The following DLG5 variants were observed in gnomAD, a reference collection of about 807,000 sequenced individuals.
The protein encoded by DLG5 is disks large homolog 5.
DLG5 carries 48 observed loss-of-function variants against 189.8 expected under a neutral mutation model. That is an observed-to-expected ratio of 0.25 (90% confidence interval 0.20 to 0.32). DLG5 has a LOEUF of 0.32. DLG5 is among the 10% of genes least tolerant of loss of function. The pLI, the probability that DLG5 is intolerant of heterozygous loss-of-function variation, is 1.00. For synonymous variants in DLG5, 1,016 were observed against 1,054.1 expected, an observed-to-expected ratio of 0.96 and a Z score of 0.70; for missense variants, 2,160 against 2,544.7, an observed-to-expected ratio of 0.85 and a Z score of 3.25.
chr10:77,847,544 G>A (rs1264964722), intron 5 of DLG5, among the ~76,000 whole-genome samples: 1 of 152,168 alleles, frequency 6.6e-6, no homozygotes, highest in Non-Finnish European at 1.5e-5. Context: ...TGGGGAACCA[G>A]GTCATGGTTA....
intron 1 of DLG5, among the ~76,000 whole-genome samples, chr10:77,912,975 A>T (rs1846266277): frequency 6.6e-6 from 1 of 152,220 alleles, no homozygotes; most frequent in Non-Finnish European, 1.5e-5. Context: ...CACAAGCTCA[A>T]GGGACAAGCT....
At chr10:77,837,924 C>G (rs1032227994) in intron 7 of DLG5, among the ~76,000 whole-genome samples, 3 of 152,230 alleles carry the variant, frequency 2.0e-5, no homozygotes, top group African/African-American at 7.2e-5. Flanking sequence ...TGGGCTGCAA[C>G]CCAGCCCCAG....
chr10:77,829,317 C>A, intron 12 of DLG5, 38 bp downstream of exon 12: 2 of 1,612,036 alleles, frequency 1.2e-6, no homozygotes, highest in Non-Finnish European at 1.7e-6. Context: ...AGGGCCCCAG[C>A]CACCTGAGGC....
intron 2 of DLG5, chr10:77,868,239 TC>T: frequency 2.5e-6 from 1 of 400,520 alleles, no homozygotes; most frequent in Non-Finnish European, 5.0e-6. Context: ...CTGTCTTCCC[TC>T]TTATCACACT....
In DLG5 at chr10:77,853,535, G is replaced by A. The variant is rs1157671197; in HGVS notation, c.683C>T (p.Thr228Ile). The change falls in exon 5 of 32, where the codon ACA becomes ATA. Residue 228 changes from threonine to isoleucine, a missense_variant and splice_region_variant. Thr to Ile is a moderately conservative substitution (Grantham distance 89, BLOSUM62 -1). Transcript: ENST00000372391. ...EVAKETDFYHTLHSRLLSDQT... is the reference protein window; with the variant it reads ...EVAKETDFYHILHSRLLSDQT... ...GTCACTCAGGAGCCGGCTGTGGAGT[G>A]TGCTGAAACACCCGGTACATGCTCA... 1 of 1,594,660 alleles carries A rather than the reference G, an allele frequency of 6.3e-7. No homozygotes were observed. The highest frequency in any genetic ancestry group is 8.6e-7 in the Non-Finnish European group (1 of 1,169,490).
chr10:77,909,093 G>A (rs1846144989), intron 1 of DLG5, among the ~76,000 whole-genome samples: 1 of 152,198 alleles, frequency 6.6e-6, no homozygotes, highest in Non-Finnish European at 1.5e-5. Flanking sequence ...ACTTAGCCGA[G>A]CCTGGTAAAG....
At position 77,843,600 on chromosome 10, in the gene DLG5, T is replaced by C. The variant is rs760523140; in HGVS notation, c.971A>G (p.Tyr324Cys). The C allele has an allele frequency of 1.2e-6, 2 of 1,614,130 alleles. No individual in the cohort carries two copies. Among genetic ancestry groups the C allele is most frequent in the Non-Finnish European group, 8.5e-7 (1 of 1,180,018 alleles). ...KKDYDALRKR[Y>C]SEKVAIHNAD... The stretch of plus-strand genomic sequence containing the variant: ...ATTGTGGATGGCGACTTTCTCACTG[T>C]ACCTCTTCCGAAGGGCGTCATAGTC... Residue 324 changes from tyrosine (Y) to cysteine (C), a missense_variant, in exon 6 of 32, where the codon TAC becomes TGC. Tyr to Cys is a radical substitution (Grantham distance 194, BLOSUM62 -2). Around this residue, in one of 5 missense-constraint regions of DLG5, gnomAD observed 664 missense variants for 838.5 expected, o/e 0.79. Coordinates refer to ENST00000372391, the MANE Select transcript of DLG5 (RefSeq NM_004747.4).
At chr10:77,792,653 T>C (rs1840696423) in intron 31 of DLG5, 110 bp from the exon 32 acceptor site, 1 of 949,204 alleles carries the variant, frequency 1.1e-6, no homozygotes, top group Non-Finnish European at 1.7e-6. Flanking sequence ...TGCTTTGTGC[T>C]CCTTGGCACT....
At chr10:77,864,452 C>A (rs552344432) in intron 2 of DLG5, among the ~76,000 whole-genome samples, 99 of 152,234 alleles carry the variant, frequency 6.5e-4, no homozygotes, top group Non-Finnish European at 8.8e-5. Context: ...CCACGTCATC[C>A]TCACCTACAA....
chr10:77,934,868 T>G, the DLG5 span, among the ~76,000 whole-genome samples: 1,111 of 150,446 alleles, frequency 7.4e-3, 23 homozygotes, highest in African/African-American at 0.024. Context: ...TTGTTTTTTT[T>G]TTTTTTTGAG....
At chr10:77,872,800 C>T (rs1256883938) in intron 1 of DLG5, among the ~76,000 whole-genome samples, 1 of 152,006 alleles carries the variant, frequency 6.6e-6, no homozygotes, top group Admixed American at 6.5e-5. Flanking sequence ...TGGGGTTTCG[C>T]CATCAAATTT....
chr10:77,867,998 C>A, intron 2 of DLG5: 1 of 456,712 alleles, frequency 2.2e-6, no homozygotes, highest in Non-Finnish European at 4.4e-6. Context: ...GTGATGTCGG[C>A]AAACCAAGGA....
chr10:77,838,648 C>T (rs140050107), intron 7 of DLG5, among the ~76,000 whole-genome samples: 98 of 152,312 alleles, frequency 6.4e-4, no homozygotes, highest in African/African-American at 2.2e-3. Context: ...AAGACAGAAG[C>T]GTGCAAGCAC....
At chr10:77,857,443 G>A (rs777268348) in intron 2 of DLG5, among the ~76,000 whole-genome samples, 8 of 152,192 alleles carry the variant, frequency 5.3e-5, no homozygotes, top group East Asian at 3.9e-4. Flanking sequence ...TTTGCAAGCC[G>A]TCCACCCGCC....
chr10:77,806,718 A>ACCGCC, intron 26 of DLG5, 40 bp downstream of exon 26: 1 of 1,333,654 alleles, frequency 7.5e-7, no homozygotes, highest in Non-Finnish European at 1.1e-6. Flanking sequence ...GCCCTCGGCG[A>ACCGCC]CCCCTGCCCC....
rs756266215 is a variant in DLG5 at position 77,856,848 on chromosome 10, G to T, written c.418C>A (p.Gln140Lys). ...APSPPPLLTD[Q>K]QVNEKVENLS... Reference sequence around the variant, plus strand: ...TTCTCCACCTTCTCATTCACTTGCTGGTCAGTGAGGAGGGGTGGTGGGGAC... The same window carrying T: ...TTCTCCACCTTCTCATTCACTTGCTTGTCAGTGAGGAGGGGTGGTGGGGAC... Residue 140 changes from glutamine (Q) to lysine (K), a missense_variant, in exon 3 of 32, where the codon CAG becomes AAG. Gln to Lys is a moderately conservative substitution (Grantham distance 53). Around this residue, in one of 5 missense-constraint regions of DLG5, gnomAD observed 664 missense variants for 838.5 expected, o/e 0.79. Transcript: ENST00000372391. 95 of 1,612,386 alleles carry T rather than the reference G, an allele frequency of 5.9e-5. No individual in the cohort carries two copies. The highest frequency in any genetic ancestry group is 7.3e-5 in the Non-Finnish European group (86 of 1,179,934).
intron 1 of DLG5, among the ~76,000 whole-genome samples, chr10:77,898,684 C>T (rs1487292758): frequency 6.6e-6 from 1 of 152,242 alleles, no homozygotes; most frequent in African/African-American, 2.4e-5. Context: ...CAGGTCAGGG[C>T]TTGCCCTGAG....
intron 1 of DLG5, among the ~76,000 whole-genome samples, chr10:77,921,671 C>T (rs1029618101): frequency 3.9e-5 from 6 of 152,204 alleles, no homozygotes; most frequent in Non-Finnish European, 8.8e-5. Flanking sequence ...CGTCCTCCCT[C>T]CATGGCTCCA....
intron 13 of DLG5, 78 bp from the exon 14 acceptor site, chr10:77,824,554 A>C (rs1200559085): frequency 8.7e-7 from 1 of 1,148,620 alleles, no homozygotes; most frequent in East Asian, 2.4e-5. Flanking sequence ...TGCCTACCTA[A>C]CCTCCTGTGC....
Sources: gnomAD v4.1 joint callset for allele counts (sites outside exome capture counted in the v4.1 genomes callset) on GRCh38, gnomAD v4.1.1 for gene constraint, gnomAD v4.1.1 regional missense constraint, MANE v1.5 for transcripts, NCBI Gene and HGNC (gene_info 2026-07-23, HGNC 2026-07-21) for gene names.